Variants in PKP4 observed in about 807,000 individuals in gnomAD.
The protein encoded by PKP4 is plakophilin 4.
Under a neutral mutation model 145.1 loss-of-function variants are expected in PKP4, and 90 were observed. That is an observed-to-expected ratio of 0.62 (90% confidence interval 0.52 to 0.74). The LOEUF is 0.74. Among genes scored for constraint, PKP4 ranks in the 30% least tolerant of loss-of-function variants. The probability of loss-of-function intolerance (pLI) is 0.00; values close to 1 mark genes in which losing one functional copy is unlikely to be tolerated. For synonymous variants in PKP4, 563 were observed against 577.2 expected, an observed-to-expected ratio of 0.98 and a Z score of 0.35; for missense variants, 1,340 against 1,482.7, an observed-to-expected ratio of 0.90 and a Z score of 1.58.
chr2:158,465,028 A>C (rs1391184559), intron 1 of PKP4, among the ~76,000 whole-genome samples: 1 of 152,234 alleles, frequency 6.6e-6, no homozygotes, highest in Non-Finnish European at 1.5e-5. Flanking sequence ...CCTTATGGCC[A>C]AAAAGATGAC....
chr2:158,499,748 C>T (rs574620166), intron 1 of PKP4, among the ~76,000 whole-genome samples: 1 of 152,070 alleles, frequency 6.6e-6, no homozygotes, highest in South Asian at 2.1e-4. Flanking sequence ...GTCAATTATT[C>T]CTGAAAAAAA....
At position 158,631,788 on chromosome 2, in the gene PKP4, C is replaced by G; in HGVS notation, c.1189C>G (p.Leu397Val). 6.2e-7 allele frequency: 1 copy of G among 1,614,142 alleles called. No individual in the cohort carries two copies. The change falls in exon 8 of 22, where the codon CTT (leucine) becomes GTT (valine). Residue 397 changes from leucine to valine, a missense_variant. Transcript: ENST00000389759. ...TTCCTATGCTAGTCAGCATAGTCAG[C>G]TTGGGCAAGACCTTCGTTCTGCCGT... The part of the protein sequence containing the change: ...RSSYASQHSQ[L>V]GQDLRSAVSP...
intron 3 of PKP4, among the ~76,000 whole-genome samples, chr2:158,592,226 T>TATGGGATGA (rs1299446137): frequency 2.6e-5 from 4 of 152,028 alleles, no homozygotes; most frequent in Admixed American, 6.6e-5. Context: ...GGTAAGGGGA[T>TATGGGATGA]ATGGGATGAA....
intron 9 of PKP4, among the ~76,000 whole-genome samples, chr2:158,636,469 G>A (rs986355553): frequency 6.6e-6 from 1 of 152,054 alleles, no homozygotes; most frequent in Non-Finnish European, 1.5e-5. Flanking sequence ...GCTTTCAGCT[G>A]TTTTATTCTG....
Position 158,531,957 on chromosome 2 carries a change from C to G in PKP4, c.-5-1223C>G, listed in dbSNP as rs146417752. Among the ~76,000 whole-genome samples the G allele has an allele frequency of 4.5e-3, 687 of 152,316 alleles. 2 individuals carry two copies. The highest frequency in any genetic ancestry group is 8.5e-3 in the Admixed American group (130 of 15,310). ...ATGGCAAGAATAAAACAACCACCAG[C>G]AGAAACCTGAAACTTAGACCCTCTC... On this transcript the variant is annotated intron_variant, in intron 1 of 21. Transcript: ENST00000389759.
chr2:158,579,848 T>C (rs1025531879), intron 3 of PKP4, among the ~76,000 whole-genome samples: 5 of 151,956 alleles, frequency 3.3e-5, no homozygotes, highest in African/African-American at 1.2e-4. Context: ...ATTTAAAATA[T>C]ATATATATAG....
intron 2 of PKP4, among the ~76,000 whole-genome samples, chr2:158,571,774 G>C (rs1009038019): frequency 6.6e-6 from 1 of 152,288 alleles, no homozygotes; most frequent in Non-Finnish European, 1.5e-5. Context: ...AGACTAGGAG[G>C]CCACAGGAGG....
intron 1 of PKP4, among the ~76,000 whole-genome samples, chr2:158,529,914 T>C (rs1187201037): frequency 6.6e-6 from 1 of 152,214 alleles, no homozygotes; most frequent in East Asian, 1.9e-4. Context: ...TGTATTGATA[T>C]CATGGCTAAA....
In PKP4 at chr2:158,634,113, C is replaced by T; in HGVS notation, c.1386C>T (p.Thr462=). The T allele has an allele frequency of 1.2e-6, 2 of 1,613,852 alleles. No individual in the cohort carries two copies. Among genetic ancestry groups the T allele is most frequent in the Non-Finnish European group, 1.7e-6 (2 of 1,179,820 alleles). The change falls in exon 9 of 22, where the codon ACC becomes ACT. Residue 462 remains threonine (T), a synonymous_variant. Coordinates refer to ENST00000389759, the MANE Select transcript of PKP4 (RefSeq NM_003628.6). ...AAAGGACATCCAGCCAACGAAGTAC[C>T]CTTACATACCAAAGAAATAATTATG... ...NLQRTSSQRS[T]LTYQRNNYAL...
In PKP4 at chr2:158,578,570, G is replaced by A. The variant is rs376958324; in HGVS notation, c.245+1187G>A. Among the ~76,000 whole-genome samples the A allele has an allele frequency of 5.9e-5, 9 of 152,064 alleles. No homozygotes were observed. The South Asian group carries it at 1.5e-3, about 25-fold the overall frequency. Reference sequence around the variant, plus strand: ...CTATAATATTTTTTAGAAATTATCCGTATCTTTAGCACCAAAAAGAACAAC... The same window carrying A: ...CTATAATATTTTTTAGAAATTATCCATATCTTTAGCACCAAAAAGAACAAC... On this transcript the variant is annotated intron_variant, in intron 3 of 21. Transcript: ENST00000389759.
intron 3 of PKP4, among the ~76,000 whole-genome samples, chr2:158,582,885 T>A (rs1446575871): frequency 2.0e-5 from 3 of 152,166 alleles, no homozygotes; most frequent in Non-Finnish European, 4.4e-5. Flanking sequence ...CAATTTTAGG[T>A]CCACTAAGCA....
At chr2:158,636,034 A>G (rs1157725033) in intron 9 of PKP4, among the ~76,000 whole-genome samples, 1 of 152,144 alleles carries the variant, frequency 6.6e-6, no homozygotes, top group East Asian at 1.9e-4. Flanking sequence ...TTACTGTATA[A>G]AAGGAAATCT....
intron 3 of PKP4, among the ~76,000 whole-genome samples, chr2:158,600,283 A>G (rs1292341244): frequency 6.6e-6 from 1 of 152,184 alleles, no homozygotes; most frequent in Non-Finnish European, 1.5e-5. Context: ...ATCATGGGTG[A>G]CTCAGTTCCT....
chr2:158,643,459 G>A (rs529421873), intron 11 of PKP4, among the ~76,000 whole-genome samples: 82 of 152,116 alleles, frequency 5.4e-4, no homozygotes, highest in African/African-American at 1.8e-3. Flanking sequence ...ACCTGTAATC[G>A]CAACACTTTG....
intron 21 of PKP4, among the ~76,000 whole-genome samples, chr2:158,679,923 G>A (rs1199778028): frequency 2.0e-5 from 3 of 152,160 alleles, no homozygotes; most frequent in African/African-American, 7.2e-5. Context: ...TAAAATGTAG[G>A]GGTGGACTCC....
Position 158,680,787 on chromosome 2 carries a change from A to G in PKP4, c.*110A>G, listed in dbSNP as rs1277131537. 7.0e-6 allele frequency: 7 copies of G among 994,324 alleles called. No homozygotes were observed. Among genetic ancestry groups the G allele is most frequent in the Admixed American group, 2.5e-5 (1 of 39,442 alleles). The allele number at this position is 994,324 out of a possible 1,614,324, so 61.6% of individuals were successfully genotyped here. Reference sequence around the variant, plus strand: ...GAAATGTGAAAGTGAAGTGGAAGGAATGAATGAAGTGTGTTTTTTTTTTCT... The same window carrying G: ...GAAATGTGAAAGTGAAGTGGAAGGAGTGAATGAAGTGTGTTTTTTTTTTCT... On this transcript the variant is annotated 3_prime_UTR_variant, in exon 22 of 22. Coordinates refer to ENST00000389759, the MANE Select transcript of PKP4 (RefSeq NM_003628.6).
At chr2:158,617,399 T>G (rs78135432) in intron 4 of PKP4, among the ~76,000 whole-genome samples, 8,835 of 152,264 alleles carry the variant, frequency 0.058, 382 homozygotes, top group South Asian at 0.11. Context: ...GTTTGCCATT[T>G]TTACTTATAA....
intron 4 of PKP4, among the ~76,000 whole-genome samples, chr2:158,618,019 C>T (rs889447888): frequency 1.3e-5 from 2 of 152,098 alleles, no homozygotes; most frequent in African/African-American, 4.8e-5. Context: ...CCCATCTTTA[C>T]TAAAAATACA....
At chr2:158,622,269 T>C (rs1464647025) in intron 6 of PKP4, among the ~76,000 whole-genome samples, 1 of 152,168 alleles carries the variant, frequency 6.6e-6, no homozygotes, top group South Asian at 2.1e-4. Context: ...TAGAAACATA[T>C]CCATTCTGTT....
Sources: allele counts gnomAD v4.1 joint callset (sites outside exome capture counted in the v4.1 genomes callset), GRCh38; gene constraint gnomAD v4.1.1; transcripts MANE v1.5; gene names NCBI Gene and HGNC (gene_info 2026-07-23, HGNC 2026-07-21).